Variants in SERHL2 observed in about 807,000 individuals in gnomAD.
SERHL2 encodes the protein serine hydrolase like 2.
Under a neutral mutation model 25.5 loss-of-function variants are expected in SERHL2, and 29 were observed. The ratio of observed to expected loss-of-function variants is 1.14; its 90% confidence interval spans 0.85 to 1.55. The LOEUF is 1.55. SERHL2 is among the 40% of genes most tolerant of loss of function. The pLI is 0.00. For missense variants in SERHL2, 240 were observed against 252.3 expected (o/e 0.95, Z 0.33); for synonymous variants, 95 against 103.5 (o/e 0.92, Z 0.50).
At chr22:42,567,337 TTTC>T (rs1923527477) in intron 9 of SERHL2, among the ~76,000 whole-genome samples, 2 of 152,124 alleles carry the variant, frequency 1.3e-5, no homozygotes, top group African/African-American at 2.4e-5. Flanking sequence ...AGTGATTCAT[TTTC>T]TTTTCTTTTT....
In SERHL2 at chr22:42,571,172, A is replaced by T; in HGVS notation, c.700A>T (p.Arg234Trp). 1 of 1,613,474 alleles carries T rather than the reference A, an allele frequency of 6.2e-7. No homozygotes were observed. The highest frequency in any genetic ancestry group is 1.3e-5 in the African/African-American group (1 of 75,036). ...ISRELCAHSI[R>W]KLQAHVLLIK... ...CAGGGAGCTGTGTGCGCATTCCATC[A>T]GGAAGCTGCAGGCCCATGTCCTGTT... Residue 234 changes from arginine to tryptophan, a missense_variant, in exon 10 of 12, where the codon AGG becomes TGG. Physicochemically the swap from Arg to Trp is moderately radical, Grantham distance 101. Transcript: ENST00000327678.
In SERHL2 at chr22:42,554,051, G is replaced by A; in HGVS notation, c.22+9G>A. 6.2e-7 allele frequency: 1 copy of A among 1,613,280 alleles called. No homozygotes were observed. Among genetic ancestry groups the A allele is most frequent in the Non-Finnish European group, 8.5e-7 (1 of 1,179,662 alleles). ...TGAGAACGCCGCACCAGGTCTGACG[G>A]GGAGGCCTTGTGCGAGCGTCCCACT... On this transcript the variant is annotated intron_variant, in intron 1 of 11. Coordinates refer to ENST00000327678, the MANE Select transcript of SERHL2 (RefSeq NM_014509.5).
rs1462488285 is a variant in SERHL2, at chr22:42,569,196, A to C, written c.649-1925A>C. On this transcript the variant is annotated intron_variant, in intron 9 of 11. Transcript: ENST00000327678. Reference sequence around the variant, plus strand: ...ATCACGCTTGCACAGGGGCCACGCTAATCATCTCTTTGTTGTTCCAATTTA... The same window carrying C: ...ATCACGCTTGCACAGGGGCCACGCTCATCATCTCTTTGTTGTTCCAATTTA... 1.3e-5 allele frequency: 2 copies of C among 151,158 alleles called. 1 individual carries two copies. The highest frequency in any genetic ancestry group is 2.9e-5 in the Non-Finnish European group (2 of 67,828). The allele number at this position is 151,158 out of a possible 1,614,324, so 9.4% of individuals were successfully genotyped here. A position where few individuals can be genotyped will look rare whatever the true frequency, so the allele number is the denominator to read the frequency against.
chr22:42,574,048 A>C lies in SERHL2; in HGVS notation c.938A>C (p.Gln313Pro), dbSNP rs1294492273. ...CAGTGCACACACATGCTCCCAGCCC[A>C]GCTGTAGCTCTGGGCCTGGAACTAT... ...FLQCTHMLPA[Q>P]L is the part of the protein sequence containing the mutation. Residue 313 changes from glutamine (Q) to proline (P), a missense_variant, in exon 12 of 12, where the codon CAG becomes CCG. Transcript: ENST00000327678. The C allele has an allele frequency of 6.2e-7, 1 of 1,612,290 alleles. No individual in the cohort carries two copies. Among genetic ancestry groups the C allele is most frequent in the South Asian group, 1.1e-5 (1 of 91,044 alleles).
chr22:42,554,152 G>C (rs1445161216), intron 1 of SERHL2, 110 bp downstream of exon 1: 25 of 1,322,326 alleles, frequency 1.9e-5, no homozygotes, highest in Non-Finnish European at 2.3e-5. Flanking sequence ...GCCCTCCTGG[G>C]TGTCGCAGCT....
At chr22:42,559,279 G>A (rs903928305) in intron 7 of SERHL2, among the ~76,000 whole-genome samples, 52 of 142,594 alleles carry the variant, frequency 3.6e-4, no homozygotes, top group East Asian at 1.2e-3. Context: ...GGTGGCACAC[G>A]CCTGTGGTCC....
chr22:42,559,215 C>T (rs1256274116), intron 7 of SERHL2, among the ~76,000 whole-genome samples: 1 of 68,246 alleles, frequency 1.5e-5, no homozygotes, highest in Middle Eastern at 0.011. Flanking sequence ...AGCGAGATAG[C>T]GAGACCCTGT....
At position 42,571,207 on chromosome 22, in the gene SERHL2, A is replaced by G; in HGVS notation, c.731+4A>G. On this transcript the variant is annotated splice_donor_region_variant and intron_variant, in intron 10 of 11. Coordinates refer to ENST00000327678, the MANE Select transcript of SERHL2 (RefSeq NM_014509.5). ...AGGCCCATGTCCTGTTGATCAAGTAAGTCTGGACCCATCCCCTTCAGCCAC... is the reference window on the plus strand; with the variant it reads ...AGGCCCATGTCCTGTTGATCAAGTAGGTCTGGACCCATCCCCTTCAGCCAC... The G allele has an allele frequency of 6.2e-7, 1 of 1,612,980 alleles. No homozygotes were observed.
In SERHL2 at chr22:42,556,501, G is replaced by C. The variant is rs1402856195; in HGVS notation, c.349-13G>C. The C allele has an allele frequency of 1.2e-6, 2 of 1,613,206 alleles. No individual in the cohort carries two copies. The highest frequency in any genetic ancestry group is 2.7e-5 in the African/African-American group (2 of 74,938). ...TTCCCCCTATTCATTCTCCCCTTTT[G>C]GCATCCTCACAGTTTTTCTGTACCT... On this transcript the variant is annotated splice_polypyrimidine_tract_variant and intron_variant, in intron 5 of 11. Coordinates refer to ENST00000327678, the MANE Select transcript of SERHL2 (RefSeq NM_014509.5).
rs56752298 is a variant in SERHL2 at position 42,568,920 on chromosome 22, C to T, written c.649-2201C>T. On this transcript the variant is annotated intron_variant, in intron 9 of 11. Transcript: ENST00000327678. Reference sequence around the variant, plus strand: ...GGCGGAGATTGCAGTGAGCTGAGATCGCCCAGGCTGGAGTGCAGTGGTGGG... The same window carrying T: ...GGCGGAGATTGCAGTGAGCTGAGATTGCCCAGGCTGGAGTGCAGTGGTGGG... 4.4e-3 allele frequency among the ~76,000 whole-genome samples: 661 copies of T among 151,546 alleles called. 8 individuals are homozygous for T. Among genetic ancestry groups the T allele is most frequent in the African/African-American group, 0.014 (593 of 41,512 alleles).
chr22:42,563,123 T>C (rs1411468132), intron 8 of SERHL2, among the ~76,000 whole-genome samples: 1 of 151,376 alleles, frequency 6.6e-6, no homozygotes, highest in Non-Finnish European at 1.5e-5. Flanking sequence ...AGCTCAGGAG[T>C]CGGAGGCTGC....
At chr22:42,570,631 A>C (rs181572673) in intron 9 of SERHL2, among the ~76,000 whole-genome samples, 393 of 150,780 alleles carry the variant, frequency 2.6e-3, no homozygotes, top group African/African-American at 8.9e-3. Flanking sequence ...AGGGCCGCGG[A>C]GGAGGCCGGC....
intron 7 of SERHL2, among the ~76,000 whole-genome samples, chr22:42,559,670 G>T (rs1394829812): frequency 2.6e-5 from 4 of 151,044 alleles, no homozygotes; most frequent in African/African-American, 7.3e-5. Flanking sequence ...AGTGAACCCA[G>T]ATTGCGCCAC....
intron 8 of SERHL2, among the ~76,000 whole-genome samples, chr22:42,561,962 C>A (rs567206914): frequency 2.6e-5 from 4 of 151,644 alleles, no homozygotes; most frequent in Non-Finnish European, 5.9e-5. Flanking sequence ...TCGATTAGGC[C>A]CAGGTCACAG....
At position 42,574,020 on chromosome 22, in the gene SERHL2, T is replaced by C. The variant is rs150996475; in HGVS notation, c.910T>C (p.Leu304=). Reference sequence around the variant, plus strand: ...CGTGGCCAGTATCATCAGCTCCTTCTTACAGTGCACACACATGCTCCCAGC... The same window carrying C: ...CGTGGCCAGTATCATCAGCTCCTTCCTACAGTGCACACACATGCTCCCAGC... ...QHVASIISSF[L]QCTHMLPAQL Residue 304 remains leucine, a synonymous_variant, in exon 12 of 12, where the codon TTA becomes CTA. Coordinates refer to ENST00000327678, the MANE Select transcript of SERHL2 (RefSeq NM_014509.5). 1.0e-4 allele frequency: 165 copies of C among 1,607,960 alleles called. No individual in the cohort carries two copies. The African/African-American group carries it at 1.9e-3, about 18-fold the overall frequency.
At chr22:42,561,317 C>T (rs914624158) in intron 8 of SERHL2, among the ~76,000 whole-genome samples, 2 of 151,864 alleles carry the variant, frequency 1.3e-5, no homozygotes, top group East Asian at 1.9e-4. Flanking sequence ...ACACTGCCAG[C>T]TCAGTGATCT....
In SERHL2 at chr22:42,572,866, C is replaced by T. The variant is rs145999137; in HGVS notation, c.825+337C>T. ...TTTATATTTTTAAGAGATGGGGTTT[C>T]ACCATGTTGGCCAGGCTGGTCTCAA... On this transcript the variant is annotated intron_variant, in intron 11 of 11. Transcript: ENST00000327678. 878 of 337,332 alleles carry T rather than the reference C, an allele frequency of 2.6e-3. 7 individuals carry two copies. Among genetic ancestry groups the T allele is most frequent in the African/African-American group, 0.018 (821 of 45,006 alleles). 20.9% of individuals were successfully genotyped at this position (337,332 alleles called of 1,614,324 possible). A position where few individuals can be genotyped will look rare whatever the true frequency, so the allele number is the denominator to read the frequency against.
intron 8 of SERHL2, 79 bp downstream of exon 8, chr22:42,560,344 A>G: frequency 9.2e-7 from 1 of 1,084,528 alleles, no homozygotes; most frequent in South Asian, 1.3e-5. Context: ...GCCTTAGACC[A>G]GGCAGGATAC....
chr22:42,573,810 C>T (rs1002220268), intron 11 of SERHL2, 126 bp from the exon 12 acceptor site: 2 of 869,042 alleles, frequency 2.3e-6, no homozygotes, highest in African/African-American at 3.4e-5. Flanking sequence ...GGGGGAAACT[C>T]ACTGTGGGAG....
Sources: allele counts gnomAD v4.1 joint callset (sites outside exome capture counted in the v4.1 genomes callset), GRCh38; gene constraint gnomAD v4.1.1; transcripts MANE v1.5; gene names NCBI Gene and HGNC (gene_info 2026-07-23, HGNC 2026-07-21).